Variants in VPS13B observed in about 807,000 individuals in gnomAD.
The protein encoded by VPS13B is intermembrane lipid transfer protein VPS13B.
Under a neutral mutation model 426.4 loss-of-function variants are expected in VPS13B, and 285 were observed. The ratio of observed to expected loss-of-function variants is 0.67; its 90% CI spans 0.61 to 0.74. The LOEUF is 0.74. VPS13B is among the 30% of genes least tolerant of loss of function. VPS13B has a pLI of 0.00. For synonymous variants in VPS13B, 1,676 were observed against 1,676.4 expected, an observed-to-expected ratio of 1.00 and a Z score of 0.01; for missense variants, 4,537 against 4,782.6, an observed-to-expected ratio of 0.95 and a Z score of 1.51.
chr8:99,796,712 G>T (rs914904316), intron 43 of VPS13B: 1 of 152,260 alleles, frequency 6.6e-6, no homozygotes, highest in African/African-American at 2.4e-5. Flanking sequence ...TCTCACTTAG[G>T]AGGCTGAAGT....
intron 31 of VPS13B, among the ~76,000 whole-genome samples, chr8:99,567,945 A>C (rs1196738934): frequency 6.6e-6 from 1 of 152,146 alleles, no homozygotes; most frequent in Non-Finnish European, 1.5e-5. Context: ...GTAATTGGGA[A>C]ATTTCCTTAG....
chr8:99,274,072 C>A, intron 17 of VPS13B, 126 bp from the exon 18 acceptor site: 2 of 1,347,068 alleles, frequency 1.5e-6, no homozygotes, highest in Non-Finnish European at 2.1e-6. Flanking sequence ...TGAAACCTAA[C>A]ACAAATACTG....
At chr8:99,130,569 T>C (rs991172127) in intron 8 of VPS13B, among the ~76,000 whole-genome samples, 6 of 152,024 alleles carry the variant, frequency 3.9e-5, no homozygotes, top group Non-Finnish European at 7.4e-5. Flanking sequence ...TTGTATTTTT[T>C]TTAGTAGAGA....
At chr8:99,152,607 TG>T (rs1237611679) in intron 14 of VPS13B, among the ~76,000 whole-genome samples, 5 of 152,168 alleles carry the variant, frequency 3.3e-5, no homozygotes, top group Non-Finnish European at 5.9e-5. Context: ...ACCAAAACAG[TG>T]GGTTTGTTGG....
At chr8:99,410,918 A>C (rs1260844790) in intron 21 of VPS13B, among the ~76,000 whole-genome samples, 2 of 152,168 alleles carry the variant, frequency 1.3e-5, no homozygotes, top group Non-Finnish European at 1.5e-5. Context: ...GCTGCATAGT[A>C]ATCCATGGTG....
chr8:99,256,178 T>C (rs907192602), intron 17 of VPS13B, among the ~76,000 whole-genome samples: 3 of 152,174 alleles, frequency 2.0e-5, no homozygotes, highest in Non-Finnish European at 2.9e-5. Context: ...CTAGGATATA[T>C]GAGCAAAACA....
intron 8 of VPS13B, among the ~76,000 whole-genome samples, chr8:99,130,607 G>T (rs1809732425): frequency 6.6e-6 from 1 of 151,958 alleles, no homozygotes; most frequent in Non-Finnish European, 1.5e-5. Flanking sequence ...AGCCAGGATG[G>T]TCTCGATCTC....
At chr8:99,448,121 T>TTTTA (rs149574664) in intron 23 of VPS13B, among the ~76,000 whole-genome samples, 51,514 of 141,616 alleles carry the variant, frequency 0.36, 9,886 homozygotes, top group Middle Eastern at 0.47. Context: ...GTGGTTTTAT[T>TTTTA]TTTATTTATT....
chr8:99,247,505 T>C (rs1439146616), intron 17 of VPS13B, among the ~76,000 whole-genome samples: 1 of 152,222 alleles, frequency 6.6e-6, no homozygotes, highest in East Asian at 1.9e-4. Flanking sequence ...TTTTTTCTAC[T>C]TCCTGATCTT....
chr8:99,275,163 T>C lies in VPS13B; in HGVS notation c.2733T>C (p.Asn911=), dbSNP rs1818828803. Residue 911 remains asparagine (N), a synonymous_variant, in exon 19 of 62, where the codon AAT becomes AAC. Transcript: ENST00000357162. ...TKDLHSTKWL[N]ESRKPESLLA... ...ACCTTCATAGCACCAAGTGGCTCAA[T>C]GAGAGTAGAAAGCCAGAGTCTCTCT... is the stretch of plus-strand genomic sequence containing the variant. The C allele has an allele frequency of 6.2e-7, 1 of 1,612,908 alleles. No homozygotes were observed. Among genetic ancestry groups the C allele is most frequent in the African/African-American group, 1.3e-5 (1 of 74,894 alleles).
chr8:99,617,035 T>C (rs1393840015), intron 33 of VPS13B, among the ~76,000 whole-genome samples: 1 of 152,220 alleles, frequency 6.6e-6, no homozygotes, highest in Admixed American at 6.5e-5. Context: ...TTAGACTATA[T>C]GTAAAGTGGT....
intron 34 of VPS13B, among the ~76,000 whole-genome samples, chr8:99,643,943 C>T (rs945150814): frequency 2.6e-5 from 4 of 152,184 alleles, no homozygotes; most frequent in East Asian, 1.9e-4. Context: ...CTGATACCTG[C>T]TTGCAAGTCT....
chr8:99,330,079 A>T (rs1426193592), intron 19 of VPS13B, among the ~76,000 whole-genome samples: 1 of 151,916 alleles, frequency 6.6e-6, no homozygotes, highest in Non-Finnish European at 1.5e-5. Flanking sequence ...CTCATTTGAG[A>T]TGCCTATTTG....
chr8:99,192,454 T>C (rs527269183), intron 16 of VPS13B, among the ~76,000 whole-genome samples: 52 of 152,202 alleles, frequency 3.4e-4, no homozygotes, highest in Non-Finnish European at 2.5e-4. Context: ...TTTGAAAAAC[T>C]AGTATAATGA....
At chr8:99,569,164 A>G (rs145006525) in intron 31 of VPS13B, among the ~76,000 whole-genome samples, 1 of 152,170 alleles carries the variant, frequency 6.6e-6, no homozygotes, top group African/African-American at 2.4e-5. Flanking sequence ...AGCATCTTCC[A>G]TCTAAAGTTC....
chr8:99,328,393 ATTAC>A (rs1306116359), intron 19 of VPS13B, among the ~76,000 whole-genome samples: 1 of 152,126 alleles, frequency 6.6e-6, no homozygotes, highest in Non-Finnish European at 1.5e-5. Flanking sequence ...TGTGGGAACT[ATTAC>A]TTTTGTGTTT....
chr8:99,486,742 G>A (rs1236431644), intron 25 of VPS13B, among the ~76,000 whole-genome samples: 3 of 151,992 alleles, frequency 2.0e-5, no homozygotes, highest in Non-Finnish European at 2.9e-5. Context: ...TCAACCCCTC[G>A]ACCCTTATCT....
chr8:99,396,669 C>T (rs539404431), intron 21 of VPS13B, among the ~76,000 whole-genome samples: 6 of 152,120 alleles, frequency 3.9e-5, no homozygotes, highest in Admixed American at 2.0e-4. Flanking sequence ...AGCCCTGTCC[C>T]GTGGCACTAA....
At chr8:99,211,252 A>G (rs1020256101) in intron 17 of VPS13B, among the ~76,000 whole-genome samples, 11 of 152,184 alleles carry the variant, frequency 7.2e-5, no homozygotes, top group African/African-American at 2.7e-4. Flanking sequence ...CTCTACTTAC[A>G]CTTGAGGACA....
Sources: allele counts gnomAD v4.1 joint callset (sites outside exome capture counted in the v4.1 genomes callset), GRCh38; gene constraint gnomAD v4.1.1; transcripts MANE v1.5; gene names NCBI Gene and HGNC (gene_info 2026-07-23, HGNC 2026-07-21).